The following TMEM63C variants were observed in gnomAD, a reference collection of about 807,000 sequenced individuals.
The protein encoded by TMEM63C is osmosensitive cation channel TMEM63C.
A neutral mutation model predicts 99.2 loss-of-function variants in TMEM63C; 32 were observed. That is an observed-to-expected ratio of 0.32 (90% CI 0.24 to 0.43). TMEM63C has a LOEUF of 0.43. TMEM63C is among the 20% of genes least tolerant of loss of function. The pLI, the probability that TMEM63C is intolerant of heterozygous loss-of-function variation, is 1.00. For missense variants in TMEM63C, 826 were observed against 1,053.0 expected (o/e 0.78, Z 2.98); for synonymous variants, 376 against 397.9 (o/e 0.94, Z 0.66).
rs1354406616 is a variant in TMEM63C at position 77,248,468 on chromosome 14, T to C, written c.1723T>C (p.Phe575Leu). The C allele has an allele frequency of 1.9e-6, 3 of 1,593,970 alleles. No homozygotes were observed. Among genetic ancestry groups the C allele is most frequent in the Non-Finnish European group, 2.6e-6 (3 of 1,170,348 alleles). Residue 575 changes from phenylalanine to leucine, a missense_variant, in exon 19 of 24, where the codon TTC becomes CTC. Physicochemically the swap from Phe to Leu is conservative, Grantham distance 22 (BLOSUM62 0). Coordinates refer to ENST00000298351, the MANE Select transcript of TMEM63C (RefSeq NM_020431.4). ...ACTCTTCTGCTACAGCACCCGCCTC[T>C]TCTTCTCTAGATCAGAGCCAGAGAG... ...GSLFCYSTRL[F>L]FSRSEPERVN...
chr14:77,254,119 G>T (rs1030937944), intron 23 of TMEM63C, among the ~76,000 whole-genome samples: 1 of 152,216 alleles, frequency 6.6e-6, no homozygotes, highest in Non-Finnish European at 1.5e-5. Context: ...ATGGGCATAC[G>T]GGGTGCCAGG....
intron 9 of TMEM63C, among the ~76,000 whole-genome samples, chr14:77,238,364 T>C (rs758859492): frequency 9.2e-5 from 14 of 152,254 alleles, no homozygotes; most frequent in Non-Finnish European, 1.5e-4. Context: ...CACCCCAGCC[T>C]GATGGCAGCT....
Position 77,233,471 on chromosome 14 carries a change from T to C in TMEM63C, c.513T>C (p.Ala171=). 6.2e-7 allele frequency: 1 copy of C among 1,613,570 alleles called. No individual in the cohort carries two copies. Among genetic ancestry groups the C allele is most frequent in the South Asian group, 1.1e-5 (1 of 90,938 alleles). The change falls in exon 8 of 24, where the codon GCT becomes GCC. Residue 171 remains alanine, a synonymous_variant. Coordinates refer to ENST00000298351, the MANE Select transcript of TMEM63C (RefSeq NM_020431.4). ...TTTCAGACTGGAGCAGTCACTTTGC[T>C]CGGACCACCATTGTCAATGTCTCCA... ...GSVLDWSSHF[A]RTTIVNVSTE... is the part of the protein sequence containing the mutation.
intron 1 of TMEM63C, among the ~76,000 whole-genome samples, chr14:77,207,664 A>C (rs1888425765): frequency 6.6e-6 from 1 of 152,144 alleles, no homozygotes; most frequent in Admixed American, 6.6e-5. Context: ...TAAGATGGGG[A>C]TACTGACTCT....
At chr14:77,184,406 C>T (rs1474989795) in intron 1 of TMEM63C, among the ~76,000 whole-genome samples, 1 of 152,152 alleles carries the variant, frequency 6.6e-6, no homozygotes, top group African/African-American at 2.4e-5. Context: ...TTCCTACAGG[C>T]CTGTACCCTC....
intron 1 of TMEM63C, among the ~76,000 whole-genome samples, chr14:77,211,099 C>T (rs898656785): frequency 6.6e-6 from 1 of 152,240 alleles, no homozygotes; most frequent in Non-Finnish European, 1.5e-5. Context: ...TCAGCCCACT[C>T]TGCTCTCCGC....
chr14:77,215,075 A>G (rs1888557238), intron 2 of TMEM63C, among the ~76,000 whole-genome samples: 1 of 152,016 alleles, frequency 6.6e-6, no homozygotes, highest in South Asian at 2.1e-4. Context: ...CACACCTGCA[A>G]CCATACAGGT....
chr14:77,214,519 T>C (rs1888548038), intron 2 of TMEM63C, among the ~76,000 whole-genome samples: 1 of 152,026 alleles, frequency 6.6e-6, no homozygotes, highest in South Asian at 2.1e-4. Context: ...GAGACGTGTC[T>C]TTCTTGTTCC....
intron 23 of TMEM63C, among the ~76,000 whole-genome samples, chr14:77,253,630 G>C (rs1889411715): frequency 1.3e-5 from 2 of 152,232 alleles, no homozygotes; most frequent in Admixed American, 1.3e-4. Flanking sequence ...ACCTAGAGAG[G>C]AAGTACTTGG....
At position 77,218,933 on chromosome 14, in the gene TMEM63C, C is replaced by G. The variant is rs147741741; in HGVS notation, c.120C>G (p.Thr40=). 12 of 1,604,672 alleles carry G rather than the reference C, an allele frequency of 7.5e-6. No homozygotes were observed. The African/African-American group carries it at 1.5e-4, about 20-fold the overall frequency. The change falls in exon 3 of 24, where the codon ACC becomes ACG. Residue 40 remains threonine, a synonymous_variant. Transcript: ENST00000298351. ...GGCAGCCCTTTGGGGGTGTCCCCAC[C>G]GTGCTGTGCCTCAACATCGCCCTGT... ...LQGQPFGGVP[T]VLCLNIALWV...
At position 77,225,346 on chromosome 14, in the gene TMEM63C, T is replaced by A. The variant is rs1888797605; in HGVS notation, c.313-78T>A. Reference sequence around the variant, plus strand: ...GCTGCCGCGGCTGCCTCAGATGACCTGGCCGCCTGGGTTCCCAGAGCTGGG... The same window carrying A: ...GCTGCCGCGGCTGCCTCAGATGACCAGGCCGCCTGGGTTCCCAGAGCTGGG... On this transcript the variant is annotated intron_variant, in intron 5 of 23. Coordinates refer to ENST00000298351, the MANE Select transcript of TMEM63C (RefSeq NM_020431.4). 3.4e-6 allele frequency: 5 copies of A among 1,461,876 alleles called. No individual in the cohort carries two copies. In the South Asian group the frequency reaches 6.4e-5, roughly 19 times the overall value. 90.6% of individuals were successfully genotyped at this position (1,461,876 alleles called of 1,614,324 possible).
chr14:77,248,335 C>A lies in TMEM63C; in HGVS notation c.1602-12C>A, dbSNP rs750959132. Reference sequence around the variant, plus strand: ...GCTTCTGTTGCCACCTTCCCTCTCCCTCACTGCCCAGGTGTGTGTTCCTGC... The same window carrying A: ...GCTTCTGTTGCCACCTTCCCTCTCCATCACTGCCCAGGTGTGTGTTCCTGC... On this transcript the variant is annotated splice_polypyrimidine_tract_variant and intron_variant, in intron 18 of 23. Coordinates refer to ENST00000298351, the MANE Select transcript of TMEM63C (RefSeq NM_020431.4). 1 of 1,601,032 alleles carries A rather than the reference C, an allele frequency of 6.2e-7. No homozygotes were observed. The highest frequency in any genetic ancestry group is 2.3e-5 in the East Asian group (1 of 44,246).
At chr14:77,240,713 T>G (rs1404127046) in intron 13 of TMEM63C, 105 bp downstream of exon 13, 66 of 1,360,038 alleles carry the variant, frequency 4.9e-5, no homozygotes, top group Non-Finnish European at 6.4e-5. Flanking sequence ...CCCTGGGCCC[T>G]CCATGCTCGT....
At chr14:77,241,436 G>T (rs1451686180) in intron 13 of TMEM63C, among the ~76,000 whole-genome samples, 2 of 152,176 alleles carry the variant, frequency 1.3e-5, no homozygotes, top group African/African-American at 2.4e-5. Context: ...TGTTCCAGAA[G>T]GATCCTTAGG....
At chr14:77,209,154 C>T (rs1461264502) in intron 1 of TMEM63C, among the ~76,000 whole-genome samples, 1 of 152,152 alleles carries the variant, frequency 6.6e-6, no homozygotes, top group African/African-American at 2.4e-5. Flanking sequence ...CTCATAATCA[C>T]CCTGGTATAG....
chr14:77,256,700 C>T lies in TMEM63C; in HGVS notation c.2395C>T (p.Leu799=), dbSNP rs144586609. The change falls in exon 24 of 24, where the codon CTG becomes TTG. Residue 799 remains leucine (L), a synonymous_variant. Coordinates refer to ENST00000298351, the MANE Select transcript of TMEM63C (RefSeq NM_020431.4). ...DSAQFQEGLE[L]EGQNQYH ...GGCCCAGTTCCAGGAAGGGCTGGAA[C>T]TGGAGGGCCAGAACCAGTACCACTG... is the stretch of plus-strand genomic sequence containing the variant. The T allele has an allele frequency of 6.2e-7, 1 of 1,613,820 alleles. No homozygotes were observed. Among genetic ancestry groups the T allele is most frequent in the Non-Finnish European group, 8.5e-7 (1 of 1,179,872 alleles).
intron 1 of TMEM63C, among the ~76,000 whole-genome samples, chr14:77,194,530 TTTCTTTCTTTCTTTCTTTCTTTC>T (rs1888175588): frequency 2.4e-5 from 1 of 41,408 alleles, no homozygotes; most frequent in African/African-American, 1.2e-4. Flanking sequence ...TCTTTCTTTC[TTTCTTTCTTTCTTTCTTTCTTTC>T]TCTTTCTTTC....
intron 5 of TMEM63C, among the ~76,000 whole-genome samples, chr14:77,223,177 G>A (rs1403833130): frequency 1.3e-5 from 2 of 151,312 alleles, no homozygotes; most frequent in East Asian, 1.9e-4. Context: ...TGGCTCGCAG[G>A]TTTATTCTTG....
At chr14:77,255,752 T>C (rs1889450123) in intron 23 of TMEM63C, among the ~76,000 whole-genome samples, 1 of 152,242 alleles carries the variant, frequency 6.6e-6, no homozygotes, top group African/African-American at 2.4e-5. Context: ...GGTGGATTTT[T>C]CCATGGTTCA....
Sources: gnomAD v4.1 joint callset for allele counts (sites outside exome capture counted in the v4.1 genomes callset) on GRCh38, gnomAD v4.1.1 for gene constraint, MANE v1.5 for transcripts, NCBI Gene and HGNC (gene_info 2026-07-23, HGNC 2026-07-21) for gene names.